Variants in DEPTOR observed in about 807,000 individuals in gnomAD.
DEPTOR encodes the protein DEP domain-containing mTOR-interacting protein.
In DEPTOR, 41 loss-of-function variants were observed where a neutral mutation model predicts 41.6. The ratio of observed to expected loss-of-function variants is 0.98; its 90% CI spans 0.77 to 1.28. The LOEUF is 1.28. Ranked by LOEUF, DEPTOR falls within the 50% of genes most tolerant of loss-of-function variation. DEPTOR has a pLI of 0.00. For missense variants in DEPTOR, 514 were observed against 527.9 expected (o/e 0.97, Z 0.26); for synonymous variants, 195 against 192.3 (o/e 1.01, Z -0.12).
rs547469211 is a variant in DEPTOR, at chr8:119,874,790, C to T, written c.122+822C>T. Among the ~76,000 whole-genome samples, 55 of 152,246 alleles carry T rather than the reference C, an allele frequency of 3.6e-4. 1 individual carries two copies. The highest frequency in any genetic ancestry group is 1.5e-3 in the South Asian group (7 of 4,814). On this transcript the variant is annotated intron_variant, in intron 1 of 8. Coordinates refer to ENST00000286234, the MANE Select transcript of DEPTOR (RefSeq NM_022783.4). ...CCATTCCCATCCCTGTATGGTCCTT[C>T]CTCTAGGGCTGTTTGGGAATAGTAC...
chr8:120,022,815 C>A (rs951218988), intron 8 of DEPTOR, among the ~76,000 whole-genome samples: 24 of 152,004 alleles, frequency 1.6e-4, no homozygotes, highest in African/African-American at 5.8e-4. Flanking sequence ...GGATTCCAGG[C>A]GTGAGCCACT....
rs538610344 is a variant in DEPTOR at position 119,906,994 on chromosome 8, A to G, written c.123-21406A>G. ...GATGAAAGGACTGTCAACATGGTAAATAGCCCTTGTATAAGCAGGCGAAGA... is the reference window on the plus strand; with the variant it reads ...GATGAAAGGACTGTCAACATGGTAAGTAGCCCTTGTATAAGCAGGCGAAGA... On this transcript the variant is annotated intron_variant, in intron 1 of 8. Transcript: ENST00000286234. 2.3e-4 allele frequency among the ~76,000 whole-genome samples: 35 copies of G among 152,302 alleles called. 1 individual carries two copies. The South Asian group carries it at 6.8e-3, about 30-fold the overall frequency.
At chr8:119,991,096 C>CTT (rs1362779700) in intron 4 of DEPTOR, among the ~76,000 whole-genome samples, 56 of 81,016 alleles carry the variant, frequency 6.9e-4, no homozygotes, top group African/African-American at 2.5e-3. Flanking sequence ...CTTTTTCTTT[C>CTT]TTTCTTTCTT....
At chr8:119,990,812 C>T (rs1169483531) in intron 4 of DEPTOR, among the ~76,000 whole-genome samples, 2 of 152,126 alleles carry the variant, frequency 1.3e-5, no homozygotes, top group African/African-American at 4.8e-5. Context: ...TTATTTTAGT[C>T]CTCTGACTCA....
intron 8 of DEPTOR, among the ~76,000 whole-genome samples, chr8:120,036,365 G>A (rs542543003): frequency 1.7e-4 from 26 of 152,256 alleles, no homozygotes; most frequent in African/African-American, 5.3e-4. Context: ...TGGGGGCACC[G>A]CATAGCCCTA....
chr8:119,926,268 C>A (rs1184453051), intron 1 of DEPTOR, among the ~76,000 whole-genome samples: 2 of 152,118 alleles, frequency 1.3e-5, no homozygotes, highest in African/African-American at 2.4e-5. Context: ...CTGGAATACT[C>A]AGATAAACAT....
rs145863430 is a variant in DEPTOR, at chr8:120,003,110, C to T, written c.924C>T (p.Ser308=). ...CCCCTGTGCTCTGCAACCCCAAGTCCGGTGAGTGCCCAAAAGGTGGCCCCG... is the reference window on the plus strand; with the variant it reads ...CCCCTGTGCTCTGCAACCCCAAGTCTGGTGAGTGCCCAAAAGGTGGCCCCG... ...SSPPVLCNPK[S]VLKRPVTSEE... The change falls in exon 6 of 9, where the codon TCC becomes TCT. Residue 308 remains serine, a splice_region_variant and synonymous_variant. Coordinates refer to ENST00000286234, the MANE Select transcript of DEPTOR (RefSeq NM_022783.4). 3.0e-5 allele frequency: 49 copies of T among 1,611,472 alleles called. No homozygotes were observed. The highest frequency in any genetic ancestry group is 1.6e-4 in the South Asian group (15 of 91,048).
intron 1 of DEPTOR, among the ~76,000 whole-genome samples, chr8:119,904,965 CTTTTTTTTTTT>C (rs71304920): frequency 1.2e-5 from 1 of 85,970 alleles, no homozygotes; most frequent in South Asian, 4.6e-4. Flanking sequence ...CTAATTTTTG[CTTTTTTTTTTT>C]TTTTTTTTTT....
intron 3 of DEPTOR, among the ~76,000 whole-genome samples, chr8:119,939,715 T>A (rs935164940): frequency 6.6e-6 from 1 of 151,982 alleles, no homozygotes; most frequent in Non-Finnish European, 1.5e-5. Flanking sequence ...CCTCAAGTGA[T>A]CCGCCTGACT....
At chr8:119,929,614 T>A (rs1017463953) in intron 2 of DEPTOR, among the ~76,000 whole-genome samples, 8 of 152,286 alleles carry the variant, frequency 5.3e-5, no homozygotes, top group African/African-American at 1.9e-4. Flanking sequence ...ATGGTGATAA[T>A]AATAGCTAAA....
rs558461436 is a variant in DEPTOR at position 119,987,571 on chromosome 8, C to T, written c.605-13954C>T. ...GAGCTCGAGTGCTGTGCTGGGAGAT[C>T]CAGTGCTCTCTTTAGAGCTGGCAGA... On this transcript the variant is annotated intron_variant, in intron 4 of 8. Transcript: ENST00000286234. Among the ~76,000 whole-genome samples, 9 of 152,246 alleles carry T rather than the reference C, an allele frequency of 5.9e-5. No individual in the cohort carries two copies. The South Asian group carries it at 1.9e-3, about 32-fold the overall frequency.
At chr8:119,931,470 A>G (rs1352797420) in intron 3 of DEPTOR, among the ~76,000 whole-genome samples, 5 of 152,176 alleles carry the variant, frequency 3.3e-5, no homozygotes, top group Non-Finnish European at 5.9e-5. Context: ...GTGCTTAAGT[A>G]TTTAGCTCAG....
chr8:119,946,465 G>A (rs1828279643), intron 3 of DEPTOR, among the ~76,000 whole-genome samples: 1 of 151,334 alleles, frequency 6.6e-6, no homozygotes, highest in Admixed American at 6.6e-5. Flanking sequence ...TCTGAGGCCG[G>A]GTGCAGTGGC....
chr8:119,907,812 C>T (rs1827683718), intron 1 of DEPTOR, among the ~76,000 whole-genome samples: 1 of 152,094 alleles, frequency 6.6e-6, no homozygotes, highest in Non-Finnish European at 1.5e-5. Flanking sequence ...AAATAAGAAT[C>T]CATGAATCAA....
At chr8:119,914,190 C>T (rs1267323016) in intron 1 of DEPTOR, among the ~76,000 whole-genome samples, 5 of 149,228 alleles carry the variant, frequency 3.4e-5, no homozygotes, top group South Asian at 2.2e-4. Context: ...GGACGACAGG[C>T]GAGTGCCACC....
chr8:119,923,501 CA>C (rs1265479937), intron 1 of DEPTOR, among the ~76,000 whole-genome samples: 33 of 152,288 alleles, frequency 2.2e-4, no homozygotes, highest in African/African-American at 7.5e-4. Flanking sequence ...CTTGGCTTCC[CA>C]AAGTCCTGAG....
chr8:119,893,775 CA>C (rs60136125), intron 1 of DEPTOR, among the ~76,000 whole-genome samples: 9 of 149,106 alleles, frequency 6.0e-5, no homozygotes, highest in Non-Finnish European at 8.9e-5. Context: ...GACTCCGTCT[CA>C]AAAAAAAAAA....
intron 1 of DEPTOR, among the ~76,000 whole-genome samples, chr8:119,911,988 C>T (rs1016481535): frequency 1.8e-4 from 28 of 152,208 alleles, no homozygotes; most frequent in African/African-American, 6.8e-4. Flanking sequence ...GTTTTTTACT[C>T]ATCAAATTTG....
At chr8:119,946,299 T>C in intron 3 of DEPTOR, among the ~76,000 whole-genome samples, 1 of 152,320 alleles carries the variant, frequency 6.6e-6, no homozygotes. Context: ...GTTAAATTTG[T>C]AATTAAATTT....
Sources: gnomAD v4.1 joint callset for allele counts (sites outside exome capture counted in the v4.1 genomes callset) on GRCh38, gnomAD v4.1.1 for gene constraint, MANE v1.5 for transcripts, NCBI Gene and HGNC (gene_info 2026-07-23, HGNC 2026-07-21) for gene names.